INPP4B: variants seen among roughly 807,000 people sequenced by gnomAD.
The protein encoded by INPP4B is inositol polyphosphate 4-phosphatase type II.
INPP4B carries 55 observed loss-of-function variants against 122.5 expected under a neutral mutation model. That is an observed-to-expected ratio of 0.45 (90% CI 0.36 to 0.56). The LOEUF is 0.56. Ranked by LOEUF, INPP4B falls within the 20% of genes least tolerant of loss-of-function variation. The pLI, the probability that INPP4B is intolerant of heterozygous loss-of-function variation, is 0.00. For synonymous variants in INPP4B, 403 were observed against 388.7 expected (o/e 1.04, Z -0.43); for missense variants, 1,000 against 1,097.7 (o/e 0.91, Z 1.26).
intron 1 of INPP4B, among the ~76,000 whole-genome samples, chr4:142,801,704 T>G (rs1348306445): frequency 6.6e-6 from 1 of 152,172 alleles, no homozygotes; most frequent in African/African-American, 2.4e-5. Context: ...ATCTTAAAAT[T>G]CAGTGATGGA....
chr4:142,165,864 A>G (rs528950652), intron 16 of INPP4B, among the ~76,000 whole-genome samples: 1 of 151,902 alleles, frequency 6.6e-6, no homozygotes, highest in African/African-American at 2.4e-5. Context: ...TTGCAGGTCC[A>G]TATCCTCCTC....
At chr4:142,444,581 A>G (rs922684659) in intron 3 of INPP4B, among the ~76,000 whole-genome samples, 2 of 152,076 alleles carry the variant, frequency 1.3e-5, no homozygotes, top group Non-Finnish European at 2.9e-5. Flanking sequence ...TAGTTCAACC[A>G]CTGTAGAAGA....
At chr4:142,577,272 CTG>C (rs1297175233) in intron 2 of INPP4B, among the ~76,000 whole-genome samples, 1 of 152,010 alleles carries the variant, frequency 6.6e-6, no homozygotes, top group Non-Finnish European at 1.5e-5. Context: ...TGTTCAGTGT[CTG>C]TGGTGAAAAT....
intron 1 of INPP4B, among the ~76,000 whole-genome samples, chr4:142,816,593 C>T (rs187397619): frequency 8.9e-4 from 135 of 152,092 alleles, no homozygotes; most frequent in Admixed American, 2.2e-3. Flanking sequence ...CCCATGGTGC[C>T]TAACTTCTTT....
chr4:142,034,761 C>G (rs951067255), intron 25 of INPP4B, among the ~76,000 whole-genome samples: 1 of 152,164 alleles, frequency 6.6e-6, no homozygotes, highest in South Asian at 2.1e-4. Flanking sequence ...CCTAGCCACT[C>G]CAGTCATGCT....
intron 16 of INPP4B, among the ~76,000 whole-genome samples, chr4:142,173,203 G>A (rs1826405310): frequency 6.6e-6 from 1 of 151,914 alleles, no homozygotes; most frequent in African/African-American, 2.4e-5. Flanking sequence ...CACACAGACT[G>A]ATGTAAATCC....
intron 1 of INPP4B, among the ~76,000 whole-genome samples, chr4:142,796,082 T>C (rs368881333): frequency 5.9e-5 from 9 of 152,172 alleles, no homozygotes; most frequent in African/African-American, 1.9e-4. Flanking sequence ...ACAGTATTCA[T>C]TTATGATATA....
At chr4:142,190,753 T>C (rs1835454658) in intron 15 of INPP4B, among the ~76,000 whole-genome samples, 1 of 151,552 alleles carries the variant, frequency 6.6e-6, no homozygotes, top group Non-Finnish European at 1.5e-5. Flanking sequence ...TGTGCGCGTG[T>C]GTGTTGATAT....
chr4:142,632,026 A>C (rs2150427443), intron 2 of INPP4B, among the ~76,000 whole-genome samples: 1 of 152,280 alleles, frequency 6.6e-6, no homozygotes, highest in South Asian at 2.1e-4. Flanking sequence ...AAGACAGTTA[A>C]AGACAATTCT....
chr4:142,108,851 CACTT>C (rs1187025111), intron 22 of INPP4B, among the ~76,000 whole-genome samples: 2 of 151,982 alleles, frequency 1.3e-5, no homozygotes, highest in Admixed American at 6.6e-5. Flanking sequence ...AGGTAAAACC[CACTT>C]GTCTCCCTAT....
chr4:142,337,618 C>T, intron 7 of INPP4B, among the ~76,000 whole-genome samples: 2 of 144,564 alleles, frequency 1.4e-5, no homozygotes, highest in African/African-American at 5.0e-5. Flanking sequence ...ATGTTCTGTT[C>T]TTTTTTTTTC....
intron 7 of INPP4B, among the ~76,000 whole-genome samples, chr4:142,358,939 A>G (rs1351559366): frequency 1.3e-5 from 2 of 151,990 alleles, no homozygotes; most frequent in Admixed American, 6.6e-5. Flanking sequence ...GGAGCAATCA[A>G]TGTGGCAAGT....
chr4:142,144,973 G>C (rs1164125887), intron 18 of INPP4B, among the ~76,000 whole-genome samples: 1 of 151,830 alleles, frequency 6.6e-6, no homozygotes, highest in Non-Finnish European at 1.5e-5. Flanking sequence ...GGGTAGTATT[G>C]CTTATTCTCT....
intron 1 of INPP4B, among the ~76,000 whole-genome samples, chr4:142,822,417 A>G (rs1301126593): frequency 6.6e-6 from 1 of 152,160 alleles, no homozygotes; most frequent in East Asian, 1.9e-4. Context: ...AACCAGACCA[A>G]ACAGCAGGAG....
intron 15 of INPP4B, among the ~76,000 whole-genome samples, chr4:142,175,362 T>C (rs1827643738): frequency 8.6e-6 from 1 of 116,364 alleles, no homozygotes; most frequent in African/African-American, 4.0e-5. Context: ...AAGGAAACAA[T>C]TTTTTTTTTG....
chr4:142,405,120 G>A, intron 6 of INPP4B, 86 bp downstream of exon 6: 1 of 701,442 alleles, frequency 1.4e-6, no homozygotes, highest in Non-Finnish European at 2.5e-6. Context: ...GGCGGGGGTG[G>A]GGGGGAGGGA....
intron 2 of INPP4B, among the ~76,000 whole-genome samples, chr4:142,522,774 C>A (rs56030854): frequency 2.6e-5 from 4 of 151,986 alleles, no homozygotes; most frequent in African/African-American, 4.8e-5. Flanking sequence ...TTCTGTAATA[C>A]CCATTACAAG....
chr4:142,138,992 T>C (rs1806253773), intron 18 of INPP4B, among the ~76,000 whole-genome samples: 1 of 152,218 alleles, frequency 6.6e-6, no homozygotes, highest in African/African-American at 2.4e-5. Flanking sequence ...TATCTGCTAA[T>C]GCCTCCCAAA....
chr4:142,303,899 T>A (rs1273860229), intron 9 of INPP4B, among the ~76,000 whole-genome samples: 1 of 152,140 alleles, frequency 6.6e-6, no homozygotes, highest in African/African-American at 2.4e-5. Context: ...GTTCTTGTCC[T>A]CTCTCTAAGG....
Sources: gnomAD v4.1 joint callset for allele counts (sites outside exome capture counted in the v4.1 genomes callset) on GRCh38, gnomAD v4.1.1 for gene constraint, MANE v1.5 for transcripts, NCBI Gene and HGNC (gene_info 2026-07-23, HGNC 2026-07-21) for gene names.